CASP14: variants seen among roughly 807,000 people sequenced by gnomAD.
The protein encoded by CASP14 is caspase 14.
In CASP14, 27 loss-of-function variants were observed where a neutral mutation model predicts 28.4. The observed-to-expected ratio is 0.95, with a 90% CI of 0.70 to 1.31. The LOEUF (loss-of-function observed/expected upper bound fraction) is 1.31, where lower values mean the gene tolerates loss of function less well. Among genes scored for constraint, CASP14 ranks in the 50% most tolerant of loss-of-function variants. The pLI is 0.00. For missense variants in CASP14, 323 were observed against 312.8 expected (o/e 1.03, Z -0.25); for synonymous variants, 115 against 118.6 (o/e 0.97, Z 0.20).
rs769277893 is a variant in CASP14, at chr19:15,055,214, GAC to G, written c.462_463del (p.Asp154GlufsTer27). 316 of 1,614,050 alleles carry G rather than the reference GAC, an allele frequency of 2.0e-4. 1 individual carries two copies. In the Admixed American group the frequency reaches 2.9e-3, roughly 15 times the overall value. Reference protein sequence around the residue: ...GGDEIVMVIKDSPQTIPTYTD... With the variant: ...GGDEIVMVIKXSPQTIPTYTD... Reference sequence around the variant, plus strand: ...AGATGAGATTGTGATGGTCATCAAAGACAGCCCACAAACCATCCCAACATACA... The same window carrying G: ...AGATGAGATTGTGATGGTCATCAAAGAGCCCACAAACCATCCCAACATACA... On this transcript the variant is annotated frameshift_variant, in exon 5 of 7. Coordinates refer to ENST00000427043, the MANE Select transcript of CASP14 (RefSeq NM_012114.3). LOFTEE classifies it high-confidence loss of function.
chr19:15,053,900 GA>G lies in CASP14; in HGVS notation c.347del (p.Asn116ThrfsTer28). The G allele has an allele frequency of 6.2e-7, 1 of 1,614,160 alleles. No homozygotes were observed. Among genetic ancestry groups the G allele is most frequent in the Non-Finnish European group, 8.5e-7 (1 of 1,180,030 alleles). Reference protein sequence around the residue: ...ENLFEALNNKNCQALRAKPKV... With the variant: ...ENLFEALNNKXCQALRAKPKV... ...ATCTCTTCGAGGCCCTGAACAACAA[GA>G]ACTGCCAGGCCCTGCGAGCTAAGCC... is the stretch of plus-strand genomic sequence containing the variant. On this transcript the variant is annotated frameshift_variant, in exon 4 of 7. Transcript: ENST00000427043. LOFTEE classifies it high-confidence loss of function.
chr19:15,053,428 A>G, intron 2 of CASP14, 54 bp from the exon 3 acceptor site: 1 of 1,609,580 alleles, frequency 6.2e-7, no homozygotes, highest in East Asian at 2.2e-5. Flanking sequence ...TTTTGACTAC[A>G]TCTGCTTCTC....
In CASP14 at chr19:15,053,619, C is replaced by A. The variant is rs781027060; in HGVS notation, c.165C>A (p.Asp55Glu). The change falls in exon 3 of 7, where the codon GAC (aspartate) becomes GAA (glutamate). Residue 55 changes from aspartate (D) to glutamate (E), a missense_variant. Coordinates refer to ENST00000427043, the MANE Select transcript of CASP14 (RefSeq NM_012114.3). The stretch of plus-strand genomic sequence containing the variant: ...GATTCGAAAGCACCATGAAAAGAGA[C>A]CCCACTGCCGAGGTATTGGGGTGCC... ...QLRFESTMKR[D>E]PTAEQFQEEL... is the part of the protein sequence containing the mutation. The A allele has an allele frequency of 1.2e-6, 2 of 1,614,120 alleles. No individual in the cohort carries two copies. Among genetic ancestry groups the A allele is most frequent in the East Asian group, 2.2e-5 (1 of 44,870 alleles).
In CASP14 at chr19:15,053,777, C is replaced by T. The variant is rs541409516; in HGVS notation, c.222C>T (p.Ser74=). 1.2e-6 allele frequency: 2 copies of T among 1,613,950 alleles called. No homozygotes were observed. Among genetic ancestry groups the T allele is most frequent in the Admixed American group, 3.3e-5 (2 of 60,000 alleles). Residue 74 remains serine, a synonymous_variant, in exon 4 of 7, where the codon TCC becomes TCT. Transcript: ENST00000427043. Reference sequence around the variant, plus strand: ...AAAAATTCCAGCAGGCCATCGATTCCCGGGAAGATCCCGTCAGTTGTGCCT... The same window carrying T: ...AAAAATTCCAGCAGGCCATCGATTCTCGGGAAGATCCCGTCAGTTGTGCCT... ...ELEKFQQAID[S]REDPVSCAFV... is the part of the protein sequence containing the mutation.
Position 15,055,457 on chromosome 19 carries a change from A to C in CASP14, c.548A>C (p.Lys183Thr), listed in dbSNP as rs751880268. The stretch of plus-strand genomic sequence containing the variant: ...TACATCGCCTACCGACATGATCAGA[A>C]AGGCTCATGCTTTATCCAGACCCTG... ...EGYIAYRHDQ[K>T]GSCFIQTLVD... Residue 183 changes from lysine to threonine, a missense_variant, in exon 6 of 7, where the codon AAA becomes ACA. Transcript: ENST00000427043. 3.7e-6 allele frequency: 6 copies of C among 1,613,990 alleles called. No homozygotes were observed. The South Asian group carries it at 6.6e-5, about 18-fold the overall frequency.
intron 4 of CASP14, chr19:15,054,904 G>C: frequency 5.1e-6 from 2 of 388,840 alleles, no homozygotes; most frequent in East Asian, 9.6e-5. Context: ...GCCTCCCAAA[G>C]TGCTGGGATT....
intron 6 of CASP14, 79 bp from the exon 7 acceptor site, chr19:15,055,906 C>A: frequency 9.3e-7 from 1 of 1,076,386 alleles, no homozygotes; most frequent in Admixed American, 2.0e-5. Flanking sequence ...CAAGAATACC[C>A]ACCTGCCCCG....
At chr19:15,052,346 T>A (rs2046095057) in intron 2 of CASP14, 68 bp downstream of exon 2, 21 of 1,426,916 alleles carry the variant, frequency 1.5e-5, no homozygotes, top group Non-Finnish European at 2.8e-6. Flanking sequence ...TTTTAATGTT[T>A]TGGAAAGAGT....
intron 2 of CASP14, 34 bp from the exon 3 acceptor site, chr19:15,053,448 C>G: frequency 1.9e-6 from 3 of 1,613,820 alleles, no homozygotes; most frequent in Non-Finnish European, 2.5e-6. Flanking sequence ...CCTTGAACCT[C>G]TCCATGCTGA....
chr19:15,054,046 G>A (rs900399758), intron 4 of CASP14, 88 bp downstream of exon 4: 16 of 1,095,026 alleles, frequency 1.5e-5, no homozygotes, highest in African/African-American at 7.9e-5. Context: ...ATGCAGTGGC[G>A]GAATCTCAAC....
intron 1 of CASP14, among the ~76,000 whole-genome samples, chr19:15,050,217 T>C (rs1355652327): frequency 2.0e-5 from 3 of 152,006 alleles, no homozygotes; most frequent in African/African-American, 7.2e-5. Context: ...GAGGCAGGAT[T>C]CGGTTCTGGC....
Position 15,053,775 on chromosome 19 carries a change from T to C in CASP14, c.220T>C (p.Ser74Pro), listed in dbSNP as rs767206907. The C allele has an allele frequency of 3.1e-6, 5 of 1,613,802 alleles. No homozygotes were observed. Among genetic ancestry groups the C allele is most frequent in the Non-Finnish European group, 4.2e-6 (5 of 1,179,870 alleles). ...GGAAAAATTCCAGCAGGCCATCGATTCCCGGGAAGATCCCGTCAGTTGTGC... is the reference window on the plus strand; with the variant it reads ...GGAAAAATTCCAGCAGGCCATCGATCCCCGGGAAGATCCCGTCAGTTGTGC... ...ELEKFQQAID[S>P]REDPVSCAFV... Residue 74 changes from serine (S) to proline (P), a missense_variant, in exon 4 of 7, where the codon TCC (serine) becomes CCC (proline). Coordinates refer to ENST00000427043, the MANE Select transcript of CASP14 (RefSeq NM_012114.3).
intron 4 of CASP14, among the ~76,000 whole-genome samples, chr19:15,054,289 C>A (rs2046105624): frequency 6.6e-6 from 1 of 152,232 alleles, no homozygotes; most frequent in African/African-American, 2.4e-5. Flanking sequence ...TCCAAAGCCC[C>A]AGCTGAAGCC....
In CASP14 at chr19:15,050,689, A is replaced by G. The variant is rs143842213; in HGVS notation, c.-47+1044A>G. 1.6e-4 allele frequency among the ~76,000 whole-genome samples: 25 copies of G among 152,002 alleles called. 1 individual carries two copies. The highest frequency in any genetic ancestry group is 1.9e-4 in the East Asian group (1 of 5,162). On this transcript the variant is annotated intron_variant, in intron 1 of 6. Transcript: ENST00000427043. Reference sequence around the variant, plus strand: ...GGATGAATGGATGGATGGATGGATGAATGAATGAGTGGTTGGATGAATAAG... The same window carrying G: ...GGATGAATGGATGGATGGATGGATGGATGAATGAGTGGTTGGATGAATAAG...
Position 15,055,461 on chromosome 19 carries a change from C to T in CASP14, c.552C>T (p.Gly184=). The change falls in exon 6 of 7, where the codon GGC becomes GGT. Residue 184 remains glycine (G), a synonymous_variant. Coordinates refer to ENST00000427043, the MANE Select transcript of CASP14 (RefSeq NM_012114.3). ...GYIAYRHDQK[G]SCFIQTLVDV... ...TCGCCTACCGACATGATCAGAAAGGCTCATGCTTTATCCAGACCCTGGTGG... is the reference window on the plus strand; with the variant it reads ...TCGCCTACCGACATGATCAGAAAGGTTCATGCTTTATCCAGACCCTGGTGG... 1 of 1,614,110 alleles carries T rather than the reference C, an allele frequency of 6.2e-7. No homozygotes were observed. The highest frequency in any genetic ancestry group is 8.5e-7 in the Non-Finnish European group (1 of 1,179,978).
intron 1 of CASP14, among the ~76,000 whole-genome samples, chr19:15,050,746 A>G (rs1004049029): frequency 6.6e-6 from 1 of 151,894 alleles, no homozygotes; most frequent in African/African-American, 2.4e-5. Flanking sequence ...GGGTAGATAA[A>G]TGGGTTGATG....
intron 4 of CASP14, among the ~76,000 whole-genome samples, chr19:15,054,252 T>G (rs2046105452): frequency 6.6e-6 from 1 of 152,046 alleles, no homozygotes; most frequent in Non-Finnish European, 1.5e-5. Flanking sequence ...CAACCAAGTC[T>G]GTGTTTTTAT....
intron 4 of CASP14, chr19:15,054,892 C>T: frequency 2.8e-6 from 1 of 351,614 alleles, no homozygotes; most frequent in Non-Finnish European, 5.4e-6. Context: ...CTGCCTTCCT[C>T]AGCCTCCCAA....
chr19:15,057,173 T>A lies in CASP14; in HGVS notation c.*1084T>A, dbSNP rs1394744210. 1 of 152,132 alleles carries A rather than the reference T, an allele frequency of 6.6e-6. No individual in the cohort carries two copies. The highest frequency in any genetic ancestry group is 2.4e-5 in the African/African-American group (1 of 41,420). The allele number at this position is 152,132 out of a possible 1,614,324, so 9.4% of individuals were successfully genotyped here. On this transcript the variant is annotated 3_prime_UTR_variant, in exon 7 of 7. Transcript: ENST00000427043. ...CACTATCTTCCAACTCTACAGCCTG[T>A]ATCTCTCCATCCCCAGCTTTGACCT...
Sources: gnomAD v4.1 joint callset for allele counts (sites outside exome capture counted in the v4.1 genomes callset) on GRCh38, gnomAD v4.1.1 for gene constraint, MANE v1.5 for transcripts, NCBI Gene and HGNC (gene_info 2026-07-23, HGNC 2026-07-21) for gene names.